Variants in PDE1C observed in about 807,000 individuals in gnomAD.
PDE1C encodes the protein dual specificity calcium/calmodulin-dependent 3',5'-cyclic nucleotide phosphodiesterase 1C.
A neutral mutation model predicts 93.1 loss-of-function variants in PDE1C; 62 were observed. The observed-to-expected ratio is 0.67, with a 90% CI of 0.54 to 0.82. PDE1C has a LOEUF of 0.82. PDE1C is among the 40% of genes least tolerant of loss of function. The pLI, the probability that PDE1C is intolerant of heterozygous loss-of-function variation, is 0.00. For missense variants in PDE1C, 742 were observed against 884.6 expected (o/e 0.84, Z 2.04); for synonymous variants, 325 against 310.1 (o/e 1.05, Z -0.50).
chr7:32,092,079 G>A (rs1301424844), intron 3 of PDE1C, among the ~76,000 whole-genome samples: 2 of 152,202 alleles, frequency 1.3e-5, no homozygotes, highest in Non-Finnish European at 2.9e-5. Flanking sequence ...GCAGAAGCCT[G>A]AGGGCTGATT....
Position 31,790,458 on chromosome 7 carries a change from A to G in PDE1C, c.1892-14726T>C, listed in dbSNP as rs186579832. Among the ~76,000 whole-genome samples the G allele has an allele frequency of 1.4e-3, 212 of 152,232 alleles. 1 individual carries two copies. Among genetic ancestry groups the G allele is most frequent in the South Asian group, 3.5e-3 (17 of 4,822 alleles). Reference sequence around the variant, plus strand: ...CATAAGGGGAAAATGTCAGTGCAAAACTGTAATATCAGTACATTTGAAATC... The same window carrying G: ...CATAAGGGGAAAATGTCAGTGCAAAGCTGTAATATCAGTACATTTGAAATC... On this transcript the variant is annotated intron_variant, in intron 16 of 17. Coordinates refer to ENST00000396191, the MANE Select transcript of PDE1C (RefSeq NM_001191057.4).
the PDE1C span, among the ~76,000 whole-genome samples, chr7:31,689,833 G>A: frequency 6.6e-6 from 1 of 152,130 alleles, no homozygotes; most frequent in Non-Finnish European, 1.5e-5. Context: ...ACACATCCCT[G>A]CACGGCATGG....
At chr7:31,713,291 G>C in the PDE1C span, among the ~76,000 whole-genome samples, 2 of 152,238 alleles carry the variant, frequency 1.3e-5, no homozygotes, top group African/African-American at 2.4e-5. Context: ...CAGCAGGGCA[G>C]TCAAATCTTG....
chr7:31,998,943 A>G (rs971943100), intron 2 of PDE1C, among the ~76,000 whole-genome samples: 1 of 152,176 alleles, frequency 6.6e-6, no homozygotes, highest in Non-Finnish European at 1.5e-5. Context: ...GTCACCTCCT[A>G]AAGACTGGGC....
rs191314021 is a variant in PDE1C at position 32,041,514 on chromosome 7, T to A, written c.128+10040A>T. ...ACTTGTGGAATAGAAAAGGGAAAAA[T>A]TCAGGCAGTGACCTCACGAACTTTG... On this transcript the variant is annotated intron_variant, in intron 2 of 17. Transcript: ENST00000396191. Among the ~76,000 whole-genome samples the A allele has an allele frequency of 1.5e-4, 23 of 152,274 alleles. No homozygotes were observed. In the East Asian group the frequency reaches 4.4e-3, roughly 29 times the overall value.
chr7:31,649,345 A>G, the PDE1C span, among the ~76,000 whole-genome samples: 3 of 152,190 alleles, frequency 2.0e-5, no homozygotes, highest in Non-Finnish European at 4.4e-5. Flanking sequence ...GAGTCCACCT[A>G]GCTGTAAAGT....
intron 2 of PDE1C, among the ~76,000 whole-genome samples, chr7:31,882,959 G>T (rs1465589672): frequency 6.6e-6 from 1 of 152,096 alleles, no homozygotes; most frequent in Non-Finnish European, 1.5e-5. Context: ...AAAAGTAAAT[G>T]AAAACATCAA....
chr7:31,759,900 T>C (rs11977742), intron 17 of PDE1C, among the ~76,000 whole-genome samples: 1,634 of 151,146 alleles, frequency 0.011, 28 homozygotes, highest in African/African-American at 0.037. Context: ...CATTCTCTCT[T>C]TCTCTCTCTC....
chr7:31,617,980 T>C, the PDE1C span, among the ~76,000 whole-genome samples: 1 of 152,214 alleles, frequency 6.6e-6, no homozygotes, highest in Non-Finnish European at 1.5e-5. Flanking sequence ...CACATATTGA[T>C]TGTCATTAGA....
intron 2 of PDE1C, among the ~76,000 whole-genome samples, chr7:31,982,772 A>C (rs1019689738): frequency 1.3e-5 from 2 of 152,204 alleles, no homozygotes; most frequent in Admixed American, 1.3e-4. Context: ...TGTTTGAAAA[A>C]AAATCAAAAT....
chr7:32,426,741 G>C (rs1785542190), intron 1 of PDE1C, among the ~76,000 whole-genome samples: 1 of 152,166 alleles, frequency 6.6e-6, no homozygotes, highest in Non-Finnish European at 1.5e-5. Context: ...CCCTTGAAAG[G>C]ACAGAGTGTT....
the PDE1C span, among the ~76,000 whole-genome samples, chr7:31,644,711 A>G: frequency 6.6e-6 from 1 of 152,174 alleles, no homozygotes; most frequent in Admixed American, 6.6e-5. Context: ...CTTTTTAGTA[A>G]GTTTTTAAGG....
intron 1 of PDE1C, among the ~76,000 whole-genome samples, chr7:32,368,282 T>G (rs1784261726): frequency 6.6e-6 from 1 of 152,032 alleles, no homozygotes; most frequent in African/African-American, 2.4e-5. Flanking sequence ...GAAAAAACTC[T>G]TAGAACTGAT....
chr7:32,073,594 C>G (rs537754456), upstream of PDE1C, among the ~76,000 whole-genome samples: 7 of 152,192 alleles, frequency 4.6e-5, no homozygotes, highest in Non-Finnish European at 8.8e-5. Flanking sequence ...GATGAGAAAA[C>G]TGAGGCCAAA....
At chr7:32,206,001 C>T (rs1456153161) in intron 2 of PDE1C, among the ~76,000 whole-genome samples, 2 of 152,288 alleles carry the variant, frequency 1.3e-5, no homozygotes, top group East Asian at 1.9e-4. Flanking sequence ...GACCAAGAAC[C>T]CACCAGAAGA....
chr7:31,642,683 T>A, the PDE1C span: 7 of 1,613,004 alleles, frequency 4.3e-6, no homozygotes, highest in Non-Finnish European at 5.9e-6. Flanking sequence ...CCCCTACAGA[T>A]GCCTTCCTTG....
intron 2 of PDE1C, among the ~76,000 whole-genome samples, chr7:31,943,053 C>T (rs554902349): frequency 5.3e-5 from 8 of 152,240 alleles, no homozygotes; most frequent in Non-Finnish European, 7.4e-5. Flanking sequence ...AGAAAGGAAC[C>T]CTGGAAATTT....
intron 2 of PDE1C, among the ~76,000 whole-genome samples, chr7:31,954,311 A>G (rs947022046): frequency 6.6e-6 from 1 of 152,212 alleles, no homozygotes; most frequent in Non-Finnish European, 1.5e-5. Context: ...AGGCTGTAGC[A>G]GAAGGCAGTG....
chr7:31,863,073 ACTG>A (rs1794867821), intron 7 of PDE1C, among the ~76,000 whole-genome samples: 1 of 152,190 alleles, frequency 6.6e-6, no homozygotes, highest in Admixed American at 6.5e-5. Context: ...TTTGAGGGAA[ACTG>A]ACATCTATAT....
Sources: allele counts gnomAD v4.1 joint callset (sites outside exome capture counted in the v4.1 genomes callset), GRCh38; gene constraint gnomAD v4.1.1; transcripts MANE v1.5; gene names NCBI Gene and HGNC (gene_info 2026-07-23, HGNC 2026-07-21).